GLI3: variants seen among roughly 807,000 people sequenced by gnomAD.
GLI3 encodes GLI family zinc finger 3.
A neutral mutation model predicts 100.8 loss-of-function variants in GLI3; 20 were observed. The ratio of observed to expected loss-of-function variants is 0.20; its 90% confidence interval spans 0.14 to 0.29. The LOEUF (loss-of-function observed/expected upper bound fraction) is 0.29, where lower values mean the gene tolerates loss of function less well. Among genes scored for constraint, GLI3 ranks in the 10% least tolerant of loss-of-function variants. The probability of loss-of-function intolerance (pLI) is 1.00; values close to 1 mark genes in which losing one functional copy is unlikely to be tolerated. For synonymous variants in GLI3, 938 were observed against 860.5 expected (o/e 1.09, Z -1.58); for missense variants, 2,040 against 2,128.5 (o/e 0.96, Z 0.82).
chr7:42,255,015 T>C (rs1789070673), intron 1 of GLI3, among the ~76,000 whole-genome samples: 1 of 152,204 alleles, frequency 6.6e-6, no homozygotes, highest in Admixed American at 6.5e-5. Flanking sequence ...CTTTTCCATC[T>C]GCTCTTTGTG....
chr7:42,249,261 G>A (rs906234048), intron 1 of GLI3, among the ~76,000 whole-genome samples: 1 of 152,126 alleles, frequency 6.6e-6, no homozygotes, highest in Admixed American at 6.5e-5. Flanking sequence ...CAGTCATAGA[G>A]CATACACGAA....
chr7:42,023,706 T>A, intron 9 of GLI3, 98 bp from the exon 10 acceptor site: 1 of 1,135,760 alleles, frequency 8.8e-7, no homozygotes, highest in Non-Finnish European at 1.3e-6. Flanking sequence ...CCAATTTAGA[T>A]TTGGGTCTAG....
At chr7:42,225,377 T>C (rs1026586809) in intron 1 of GLI3, among the ~76,000 whole-genome samples, 2 of 152,226 alleles carry the variant, frequency 1.3e-5, no homozygotes, top group African/African-American at 4.8e-5. Context: ...TTGTTTCTTT[T>C]GAGACAGAGT....
chr7:42,019,089 T>C (rs1788857386), intron 10 of GLI3, among the ~76,000 whole-genome samples: 1 of 152,124 alleles, frequency 6.6e-6, no homozygotes, highest in African/African-American at 2.4e-5. Flanking sequence ...ATTGTTGAAA[T>C]TGAGGGTGAA....
chr7:42,211,506 G>A (rs1051334977), intron 2 of GLI3, among the ~76,000 whole-genome samples: 2 of 152,246 alleles, frequency 1.3e-5, no homozygotes, highest in East Asian at 1.9e-4. Flanking sequence ...TAAATGCTTG[G>A]AACAAATCTT....
chr7:42,228,289 C>G (rs1462421415), intron 1 of GLI3, among the ~76,000 whole-genome samples: 1 of 151,932 alleles, frequency 6.6e-6, no homozygotes, highest in Non-Finnish European at 1.5e-5. Context: ...AGAAGGGGTG[C>G]TCCCAGGCCC....
At chr7:42,197,106 C>A (rs1348355596) in intron 2 of GLI3, among the ~76,000 whole-genome samples, 4 of 152,214 alleles carry the variant, frequency 2.6e-5, no homozygotes, top group African/African-American at 9.6e-5. Context: ...CCTGAACTCA[C>A]ATCCGAGTCT....
chr7:42,092,823 G>T (rs552875374), intron 3 of GLI3, among the ~76,000 whole-genome samples: 4,729 of 96,260 alleles, frequency 0.049, 90 homozygotes, highest in African/African-American at 0.074. Context: ...ATGTATTTAT[G>T]TATTTATAGA....
At chr7:42,050,183 A>C (rs1424694356) in intron 4 of GLI3, among the ~76,000 whole-genome samples, 1 of 152,220 alleles carries the variant, frequency 6.6e-6, no homozygotes, top group Non-Finnish European at 1.5e-5. Context: ...TGAACTAAAA[A>C]AAAAATGAGG....
At chr7:42,002,039 A>G (rs987500471) in intron 10 of GLI3, among the ~76,000 whole-genome samples, 4 of 151,898 alleles carry the variant, frequency 2.6e-5, no homozygotes, top group Non-Finnish European at 5.9e-5. Context: ...TGGTAAAAAT[A>G]AGGAAAACAT....
At chr7:42,115,528 A>G (rs1365203258) in intron 3 of GLI3, among the ~76,000 whole-genome samples, 1 of 152,168 alleles carries the variant, frequency 6.6e-6, no homozygotes, top group African/African-American at 2.4e-5. Context: ...CTTTTCTACC[A>G]AACTCCTGAT....
intron 3 of GLI3, among the ~76,000 whole-genome samples, chr7:42,096,623 C>A (rs1311089241): frequency 6.6e-6 from 1 of 152,210 alleles, no homozygotes; most frequent in Non-Finnish European, 1.5e-5. Flanking sequence ...AGCGGGTGTT[C>A]AGGGTCCCTT....
At chr7:42,200,308 T>C (rs1411455270) in intron 2 of GLI3, among the ~76,000 whole-genome samples, 1 of 152,144 alleles carries the variant, frequency 6.6e-6, no homozygotes, top group Admixed American at 6.5e-5. Flanking sequence ...AAAGGGACCA[T>C]ATGTCCAGGC....
intron 2 of GLI3, among the ~76,000 whole-genome samples, chr7:42,154,077 T>C (rs1215415916): frequency 6.6e-6 from 1 of 150,872 alleles, no homozygotes; most frequent in Admixed American, 6.6e-5. Flanking sequence ...CATCCACTAC[T>C]ACCACCAGTA....
chr7:42,034,745 A>C (rs1789391508), intron 7 of GLI3, among the ~76,000 whole-genome samples: 1 of 152,076 alleles, frequency 6.6e-6, no homozygotes, highest in Admixed American at 6.5e-5. Flanking sequence ...CTTTCTTAAC[A>C]TCTGGGTCAT....
chr7:42,199,118 C>G (rs1029341103), intron 2 of GLI3, among the ~76,000 whole-genome samples: 1 of 151,964 alleles, frequency 6.6e-6, no homozygotes, highest in Non-Finnish European at 1.5e-5. Context: ...TATAAAAATG[C>G]CAGTTAGACA....
rs1222517821 is a variant in GLI3, at chr7:41,965,003, T to A, written c.4070A>T (p.Tyr1357Phe). The A allele has an allele frequency of 1.2e-6, 2 of 1,613,856 alleles. No individual in the cohort carries two copies. The highest frequency in any genetic ancestry group is 1.7e-6 in the Non-Finnish European group (2 of 1,180,014). Reference protein sequence around the residue: ...QISATSHINIYQGPESCLPGA... With the variant: ...QISATSHINIFQGPESCLPGA... The stretch of plus-strand genomic sequence containing the variant: ...TGGCAGGCAGCTCTCTGGCCCTTGG[T>A]AGATGTTGATGTGTGAGGTAGCACT... The change falls in exon 15 of 15, where the codon TAC (tyrosine) becomes TTC (phenylalanine). Residue 1357 changes from tyrosine to phenylalanine, a missense_variant. This residue lies in a region of GLI3 where 1,041 missense variants were observed against 924.0 expected (regional missense o/e 1.13). Transcript: ENST00000395925.
chr7:42,123,319 A>G (rs752928472), intron 3 of GLI3, among the ~76,000 whole-genome samples: 1 of 152,236 alleles, frequency 6.6e-6, no homozygotes, highest in African/African-American at 2.4e-5. Flanking sequence ...CAGTGTCTTG[A>G]CCAAAGAGTA....
intron 2 of GLI3, among the ~76,000 whole-genome samples, chr7:42,188,956 G>C (rs7803924): frequency 0.14 from 22,045 of 152,122 alleles, 2,087 homozygotes; most frequent in Non-Finnish European, 0.22. Context: ...AGAATGAATG[G>C]ACAACACCAA....
Sources: allele counts gnomAD v4.1 joint callset (sites outside exome capture counted in the v4.1 genomes callset), GRCh38; gene constraint gnomAD v4.1.1; regional missense constraint gnomAD v4.1.1; transcripts MANE v1.5; gene names NCBI Gene and HGNC (gene_info 2026-07-23, HGNC 2026-07-21).